Variants in GAS7 observed in about 807,000 individuals in gnomAD.
GAS7 encodes the protein growth arrest-specific protein 7.
Under a neutral mutation model 71.1 loss-of-function variants are expected in GAS7, and 28 were observed. The observed-to-expected ratio is 0.39, with a 90% CI of 0.29 to 0.54. GAS7 has a LOEUF of 0.54. Ranked by LOEUF, GAS7 falls within the 20% of genes least tolerant of loss-of-function variation. GAS7 has a pLI of 0.62. For missense variants in GAS7, 436 were observed against 627.8 expected (o/e 0.69, Z 3.27); for synonymous variants, 258 against 245.8 (o/e 1.05, Z -0.46).
At position 9,955,543 on chromosome 17, in the gene GAS7, T is replaced by A. The variant is rs115808420; in HGVS notation, c.525+3659A>T. On this transcript the variant is annotated intron_variant, in intron 5 of 13. Transcript: ENST00000432992. ...TAAGGAAACTGAGGCACAGAGAGGC[T>A]AAGTCACTTATGCAAGATCACACAG... Among the ~76,000 whole-genome samples, 290 of 152,310 alleles carry A rather than the reference T, an allele frequency of 1.9e-3. 1 individual carries two copies. Among genetic ancestry groups the A allele is most frequent in the African/African-American group, 6.9e-3 (285 of 41,544 alleles).
Position 10,026,537 on chromosome 17 carries a change from G to A in GAS7, c.184-6640C>T, listed in dbSNP as rs1373027339. ...AGCTGGACACCCAGAAGCAGCCAGG[G>A]CATGGCTGGGCACGCCTGGGAAGGT... On this transcript the variant is annotated intron_variant, in intron 1 of 13. Coordinates refer to ENST00000432992, the MANE Select transcript of GAS7 (RefSeq NM_201433.2). This position sits in a 1 kb window ranked among gnomAD's most constrained non-coding sequence, Gnocchi z 4.5. Among the ~76,000 whole-genome samples, 2 of 152,196 alleles carry A rather than the reference G, an allele frequency of 1.3e-5. No homozygotes were observed. Among genetic ancestry groups the A allele is most frequent in the Non-Finnish European group, 2.9e-5 (2 of 68,044 alleles).
intron 1 of GAS7, among the ~76,000 whole-genome samples, chr17:10,028,507 C>A (rs1235704892): frequency 6.6e-6 from 1 of 151,884 alleles, no homozygotes; most frequent in Non-Finnish European, 1.5e-5. Context: ...GGAAGAACAT[C>A]CAGAAGCCTA....
chr17:9,987,806 T>C (rs1042716541), intron 2 of GAS7, among the ~76,000 whole-genome samples: 13 of 152,248 alleles, frequency 8.5e-5, no homozygotes, highest in African/African-American at 3.1e-4. Context: ...CCGGGCTTCA[T>C]TTCCCCTTGT....
intron 1 of GAS7, among the ~76,000 whole-genome samples, chr17:10,060,160 C>T (rs1047815392): frequency 6.6e-6 from 1 of 152,150 alleles, no homozygotes; most frequent in Non-Finnish European, 1.5e-5. Flanking sequence ...AAACTCTACT[C>T]CTTAAAGCGC....
intron 1 of GAS7, among the ~76,000 whole-genome samples, chr17:10,041,125 G>A (rs1028214623): frequency 6.8e-6 from 1 of 147,396 alleles, no homozygotes; most frequent in Admixed American, 6.9e-5. Flanking sequence ...TCGTGCAGCT[G>A]CACTCCGGCC....
In GAS7 at chr17:10,198,518, G is replaced by A. The variant is rs1236017509; in HGVS notation, c.-128C>T. 6 of 507,182 alleles carry A rather than the reference G, an allele frequency of 1.2e-5. No homozygotes were observed. Among genetic ancestry groups the A allele is most frequent in the African/African-American group, 1.0e-4 (5 of 48,994 alleles). The allele number at this position is 507,182 out of a possible 1,614,324, so 31.4% of individuals were successfully genotyped here. On this transcript the variant is annotated 5_prime_UTR_variant, in exon 1 of 14. Coordinates refer to ENST00000432992, the MANE Select transcript of GAS7 (RefSeq NM_201433.2). Reference sequence around the variant, plus strand: ...CGCGCTCTGGGCGCGCGCCGTCTCTGGGGTGCGCGGGGGTCCTCAGGCAGG... The same window carrying A: ...CGCGCTCTGGGCGCGCGCCGTCTCTAGGGTGCGCGGGGGTCCTCAGGCAGG...
At chr17:9,953,045 A>G (rs1567815860) in intron 5 of GAS7, among the ~76,000 whole-genome samples, 1 of 152,058 alleles carries the variant, frequency 6.6e-6, no homozygotes, top group Non-Finnish European at 1.5e-5. Flanking sequence ...ACATGGACGC[A>G]TATGTTCATT....
At position 9,931,740 on chromosome 17, in the gene GAS7, G is replaced by T. The variant is rs189427594; in HGVS notation, c.885+2426C>A. On this transcript the variant is annotated intron_variant, in intron 9 of 13. Coordinates refer to ENST00000432992, the MANE Select transcript of GAS7 (RefSeq NM_201433.2). ...GAGGTTAGTTAGCATGCCTTCACTGGCTGGGAATTCTCACTCACATCTGGG... is the reference window on the plus strand; with the variant it reads ...GAGGTTAGTTAGCATGCCTTCACTGTCTGGGAATTCTCACTCACATCTGGG... 2.0e-3 allele frequency among the ~76,000 whole-genome samples: 310 copies of T among 152,304 alleles called. 5 individuals carry two copies. Among genetic ancestry groups the T allele is most frequent in the Admixed American group, 2.7e-3 (42 of 15,302 alleles).
chr17:9,915,041 A>G lies in GAS7; in HGVS notation c.*2187T>C. ...GCTTTAACCTGCTTGATGAATGAAT[A>G]ACAGAGGGAAGAAAGAAAGGAAGTA... On this transcript the variant is annotated 3_prime_UTR_variant, in exon 14 of 14. Transcript: ENST00000432992. 1 of 231,538 alleles carries G rather than the reference A, an allele frequency of 4.3e-6. No homozygotes were observed. The allele number at this position is 231,538 out of a possible 1,614,324, so 14.3% of individuals were successfully genotyped here.
chr17:9,946,593 G>A (rs989710092), intron 6 of GAS7, among the ~76,000 whole-genome samples: 1 of 152,144 alleles, frequency 6.6e-6, no homozygotes, highest in African/African-American at 2.4e-5. Flanking sequence ...ATTTATTGAG[G>A]CAGATTCTAG....
At chr17:9,985,158 C>A (rs1190845614) in intron 2 of GAS7, among the ~76,000 whole-genome samples, 2 of 152,178 alleles carry the variant, frequency 1.3e-5, no homozygotes, top group Admixed American at 6.5e-5. Flanking sequence ...CTTGTCTTCT[C>A]CATGTCACTC....
intron 1 of GAS7, among the ~76,000 whole-genome samples, chr17:10,048,462 A>C (rs1282036171): frequency 6.6e-6 from 1 of 152,224 alleles, no homozygotes; most frequent in Non-Finnish European, 1.5e-5. Flanking sequence ...AGCTCCATAC[A>C]GCAGGGATTT....
chr17:10,013,470 A>C (rs1228042190), intron 2 of GAS7, among the ~76,000 whole-genome samples: 1 of 152,204 alleles, frequency 6.6e-6, no homozygotes, highest in East Asian at 1.9e-4. Flanking sequence ...GCACAAGACA[A>C]GCAATTTCCT....
chr17:10,018,935 A>C (rs1181407806), intron 2 of GAS7, among the ~76,000 whole-genome samples: 1 of 152,076 alleles, frequency 6.6e-6, no homozygotes, highest in African/African-American at 2.4e-5. Flanking sequence ...AAATCCTCTC[A>C]GTTCTCTCAT....
At position 10,135,605 on chromosome 17, in the gene GAS7, G is replaced by A. The variant is rs183032900; in HGVS notation, c.183+62603C>T. Among the ~76,000 whole-genome samples, 13 of 152,266 alleles carry A rather than the reference G, an allele frequency of 8.5e-5. No individual in the cohort carries two copies. In the East Asian group the frequency reaches 2.1e-3, roughly 25 times the overall value. ...CTTTTAATGTTGTTTTTAATGTGTG[G>A]TTTCCCATCTCCACGTGGTGGGAAT... is the stretch of plus-strand genomic sequence containing the variant. On this transcript the variant is annotated intron_variant, in intron 1 of 13. Transcript: ENST00000432992.
chr17:10,162,123 A>C (rs1278014074), intron 1 of GAS7, among the ~76,000 whole-genome samples: 1 of 151,434 alleles, frequency 6.6e-6, no homozygotes, highest in African/African-American at 2.4e-5. Context: ...ACCCTTCCGA[A>C]GGCTCCCAGT....
Position 9,974,903 on chromosome 17 carries a change from G to C in GAS7, c.386-5141C>G, listed in dbSNP as rs757008055. On this transcript the variant is annotated intron_variant, in intron 3 of 13. Transcript: ENST00000432992. This position sits in a 1 kb window ranked among gnomAD's most constrained non-coding sequence, Gnocchi z 4.0. ...GTACCGATCCCTGAGGGAAAAAGTCGCATCCTCAGAGCCCTACTCTCCAGG... is the reference window on the plus strand; with the variant it reads ...GTACCGATCCCTGAGGGAAAAAGTCCCATCCTCAGAGCCCTACTCTCCAGG... 6.6e-6 allele frequency among the ~76,000 whole-genome samples: 1 copy of C among 152,158 alleles called. No homozygotes were observed. Among genetic ancestry groups the C allele is most frequent in the Non-Finnish European group, 1.5e-5 (1 of 68,028 alleles).
chr17:10,183,966 G>C (rs1381766394), intron 1 of GAS7, among the ~76,000 whole-genome samples: 2 of 152,132 alleles, frequency 1.3e-5, no homozygotes, highest in Admixed American at 1.3e-4. Context: ...CACCTCCCAG[G>C]GGTTTCTGGC....
chr17:10,050,822 T>G (rs1172284997), intron 1 of GAS7, among the ~76,000 whole-genome samples: 1 of 152,184 alleles, frequency 6.6e-6, no homozygotes, highest in Non-Finnish European at 1.5e-5. Flanking sequence ...ATCATTGAGA[T>G]GCAAAGCTCC....
Sources: allele counts gnomAD v4.1 joint callset (sites outside exome capture counted in the v4.1 genomes callset), GRCh38; gene constraint gnomAD v4.1.1; non-coding constraint Gnocchi (gnomAD v3.1); transcripts MANE v1.5; gene names NCBI Gene and HGNC (gene_info 2026-07-23, HGNC 2026-07-21).